ANKRD31: variants seen among roughly 807,000 people sequenced by gnomAD.
ANKRD31 encodes the protein ankyrin repeat domain-containing protein 31.
Under a neutral mutation model 186.0 loss-of-function variants are expected in ANKRD31, and 147 were observed. That is an observed-to-expected ratio of 0.79 (90% CI 0.69 to 0.91). ANKRD31 has a LOEUF of 0.91. Ranked by LOEUF, ANKRD31 falls within the 40% of genes least tolerant of loss-of-function variation. The pLI is 0.00. For missense variants in ANKRD31, 1,986 were observed against 2,148.8 expected, an observed-to-expected ratio of 0.92 and a Z score of 1.50; for synonymous variants, 673 against 736.4, an observed-to-expected ratio of 0.91 and a Z score of 1.39.
intron 17 of ANKRD31, among the ~76,000 whole-genome samples, chr5:75,132,078 T>C (rs1458002960): frequency 2.0e-5 from 3 of 152,204 alleles, no homozygotes; most frequent in Non-Finnish European, 2.9e-5. Context: ...GCAGAAAAGC[T>C]GAAAATTCTA....
chr5:75,137,629 A>C (rs1321574953), intron 17 of ANKRD31, among the ~76,000 whole-genome samples: 1 of 152,128 alleles, frequency 6.6e-6, no homozygotes. Context: ...CTCTCTTCTG[A>C]CTTGCATGTA....
At chr5:75,160,607 C>G (rs893822974) in intron 11 of ANKRD31, among the ~76,000 whole-genome samples, 9 of 152,038 alleles carry the variant, frequency 5.9e-5, no homozygotes, top group Non-Finnish European at 4.4e-5. Flanking sequence ...AGATAACAAA[C>G]AAGATGAAAG....
chr5:75,077,966 T>C (rs554291492), intron 25 of ANKRD31, among the ~76,000 whole-genome samples: 5 of 150,290 alleles, frequency 3.3e-5, no homozygotes, highest in African/African-American at 1.2e-4. Flanking sequence ...ATAGAAGTTC[T>C]TAAGTGGTCT....
At chr5:75,143,434 G>T (rs1751198039) in intron 15 of ANKRD31, among the ~76,000 whole-genome samples, 1 of 152,102 alleles carries the variant, frequency 6.6e-6, no homozygotes, top group Non-Finnish European at 1.5e-5. Context: ...GAAAATGAAA[G>T]AATATTCATA....
intron 22 of ANKRD31, among the ~76,000 whole-genome samples, chr5:75,099,557 G>T (rs961984271): frequency 6.6e-6 from 1 of 152,146 alleles, no homozygotes; most frequent in African/African-American, 2.4e-5. Flanking sequence ...AATCCATCTG[G>T]TCCTGGACTT....
intron 24 of ANKRD31, among the ~76,000 whole-genome samples, chr5:75,083,608 T>C (rs1426444468): frequency 6.6e-6 from 1 of 152,084 alleles, no homozygotes; most frequent in Admixed American, 6.6e-5. Context: ...TGTGCACCTG[T>C]AATCCCAGCT....
intron 5 of ANKRD31, among the ~76,000 whole-genome samples, chr5:75,206,066 C>A (rs1413209244): frequency 6.6e-6 from 1 of 150,906 alleles, no homozygotes; most frequent in African/African-American, 2.4e-5. Context: ...TCAATAGCAA[C>A]ACTGATTTCA....
intron 9 of ANKRD31, among the ~76,000 whole-genome samples, chr5:75,190,126 T>G (rs966397994): frequency 6.6e-6 from 1 of 151,850 alleles, no homozygotes; most frequent in Non-Finnish European, 1.5e-5. Context: ...CTCAGGTAAT[T>G]CTCCCACCTC....
intron 2 of ANKRD31, among the ~76,000 whole-genome samples, chr5:75,223,789 T>A (rs1251708129): frequency 2.0e-5 from 3 of 152,068 alleles, no homozygotes; most frequent in Non-Finnish European, 4.4e-5. Flanking sequence ...TAGTTGGGTT[T>A]AGATGAGGTA....
chr5:75,075,812 G>T (rs922874386), intron 25 of ANKRD31, among the ~76,000 whole-genome samples: 1 of 152,130 alleles, frequency 6.6e-6, no homozygotes, highest in Non-Finnish European at 1.5e-5. Flanking sequence ...GAAGTATCAA[G>T]ATTTAGATGT....
chr5:75,132,681 C>A (rs1024120768), intron 17 of ANKRD31, among the ~76,000 whole-genome samples: 48 of 152,236 alleles, frequency 3.2e-4, no homozygotes, highest in Admixed American at 2.8e-3. Context: ...CAAAGATACT[C>A]CTCAAGAAGA....
At chr5:75,144,381 C>A (rs942835680) in intron 14 of ANKRD31, among the ~76,000 whole-genome samples, 6 of 152,036 alleles carry the variant, frequency 3.9e-5, no homozygotes, top group African/African-American at 1.4e-4. Context: ...ATGAATAGAC[C>A]TAACAATTTC....
chr5:75,226,253 G>A (rs1233053977), intron 2 of ANKRD31, among the ~76,000 whole-genome samples: 2 of 152,190 alleles, frequency 1.3e-5, no homozygotes. Flanking sequence ...CTGAAGGGAA[G>A]GACACAAGCC....
At chr5:75,223,732 C>A (rs1309525587) in intron 2 of ANKRD31, among the ~76,000 whole-genome samples, 2 of 152,092 alleles carry the variant, frequency 1.3e-5, no homozygotes, top group South Asian at 4.1e-4. Flanking sequence ...TATGCTGATG[C>A]CCTAACCGCC....
In ANKRD31 at chr5:75,105,034, T is replaced by C; in HGVS notation, c.4525A>G (p.Ile1509Val). 3 of 1,536,862 alleles carry C rather than the reference T, an allele frequency of 2.0e-6. No homozygotes were observed. The highest frequency in any genetic ancestry group is 2.6e-6 in the Non-Finnish European group (3 of 1,146,814). The change falls in exon 22 of 26, where the codon ATC becomes GTC. Residue 1509 changes from isoleucine to valine, a missense_variant. Physicochemically the swap from Ile to Val is conservative, Grantham distance 29. Coordinates refer to ENST00000506364, the MANE Select transcript of ANKRD31 (RefSeq NM_001372053.1). ...TCTTGGCTGTCTTTTTCACTAGAGA[T>C]TTCTGATCTGGGTGGGAGCTTCCTT... ...SLRKLPPRSE[I>V]SSEKDSQELT...
intron 3 of ANKRD31, among the ~76,000 whole-genome samples, chr5:75,218,852 G>C (rs1021028364): frequency 3.3e-5 from 5 of 152,046 alleles, no homozygotes; most frequent in Non-Finnish European, 7.4e-5. Flanking sequence ...CAATAAATGT[G>C]ATTCATCAAA....
intron 14 of ANKRD31, among the ~76,000 whole-genome samples, chr5:75,145,069 A>G (rs1751336868): frequency 6.6e-6 from 1 of 152,188 alleles, no homozygotes; most frequent in Non-Finnish European, 1.5e-5. Flanking sequence ...AATGGCGATC[A>G]TTAAAAAGTC....
Position 75,147,379 on chromosome 5 carries a change from C to T in ANKRD31, c.2032G>A (p.Val678Ile), listed in dbSNP as rs1272685526. The T allele has an allele frequency of 6.5e-7, 1 of 1,527,208 alleles. No individual in the cohort carries two copies. 94.6% of individuals were successfully genotyped at this position (1,527,208 alleles called of 1,614,324 possible). A position where few individuals can be genotyped will look rare whatever the true frequency, so the allele number is the denominator to read the frequency against. Residue 678 changes from valine (V) to isoleucine (I), a missense_variant, in exon 14 of 26, where the codon GTA (valine) becomes ATA (isoleucine). Transcript: ENST00000506364. ...GGATCTTTTTGGTAATATTCATATA[C>T]ATCTTCTTTATTTATAAATAAACTC... Reference protein sequence around the residue: ...KASLFINKEDVYEYYQKDPKN... With the variant: ...KASLFINKEDIYEYYQKDPKN...
At chr5:75,075,904 T>C (rs1005183856) in intron 25 of ANKRD31, among the ~76,000 whole-genome samples, 1 of 152,166 alleles carries the variant, frequency 6.6e-6, no homozygotes, top group Non-Finnish European at 1.5e-5. Flanking sequence ...TGGAAAGATA[T>C]TTCACCAAAC....
Sources: allele counts gnomAD v4.1 joint callset (sites outside exome capture counted in the v4.1 genomes callset), GRCh38; gene constraint gnomAD v4.1.1; transcripts MANE v1.5; gene names NCBI Gene and HGNC (gene_info 2026-07-23, HGNC 2026-07-21).